The following CDH18 variants were observed in gnomAD, a reference collection of about 807,000 sequenced individuals.
CDH18 encodes cadherin-18.
A neutral mutation model predicts 67.9 loss-of-function variants in CDH18; 31 were observed. The ratio of observed to expected loss-of-function variants is 0.46; its 90% CI spans 0.34 to 0.62. The LOEUF (loss-of-function observed/expected upper bound fraction) is 0.62, where lower values mean the gene tolerates loss of function less well. CDH18 is among the 20% of genes least tolerant of loss of function. The probability of loss-of-function intolerance (pLI) is 0.01; values close to 1 mark genes in which losing one functional copy is unlikely to be tolerated. For missense variants in CDH18, 890 were observed against 975.5 expected (o/e 0.91, Z 1.17); for synonymous variants, 362 against 347.2 (o/e 1.04, Z -0.48).
At chr5:20,533,934 A>G (rs1253368317) in intron 1 of CDH18, among the ~76,000 whole-genome samples, 1 of 152,048 alleles carries the variant, frequency 6.6e-6, no homozygotes, top group Non-Finnish European at 1.5e-5. Context: ...TTAAAATGTC[A>G]CAGATTTTTA....
chr5:20,030,939 T>C (rs111298734), intron 2 of CDH18, among the ~76,000 whole-genome samples: 85 of 152,266 alleles, frequency 5.6e-4, no homozygotes, highest in African/African-American at 1.9e-3. Flanking sequence ...GTGGGAATAA[T>C]TGACTATTTA....
At chr5:19,731,746 TAA>T (rs1767625962) in intron 4 of CDH18, among the ~76,000 whole-genome samples, 1 of 152,192 alleles carries the variant, frequency 6.6e-6, no homozygotes. Flanking sequence ...TTTCTTGAGA[TAA>T]GCTTCCATTT....
At chr5:20,445,962 G>T (rs567115557) in intron 1 of CDH18, among the ~76,000 whole-genome samples, 82 of 152,160 alleles carry the variant, frequency 5.4e-4, no homozygotes, top group East Asian at 3.5e-3. Flanking sequence ...GGGGCTTGGT[G>T]GGGGGAGTTG....
chr5:20,399,973 A>G (rs1745621947), intron 1 of CDH18, among the ~76,000 whole-genome samples: 1 of 152,192 alleles, frequency 6.6e-6, no homozygotes, highest in South Asian at 2.1e-4. Context: ...CTTACTTTAT[A>G]TATCATCAGA....
chr5:20,057,825 C>A (rs1742124588), intron 2 of CDH18, among the ~76,000 whole-genome samples: 1 of 152,042 alleles, frequency 6.6e-6, no homozygotes, highest in Non-Finnish European at 1.5e-5. Context: ...ATAAAGACTA[C>A]TTGGTGTGTA....
At chr5:20,437,723 A>G (rs752966694) in intron 1 of CDH18, among the ~76,000 whole-genome samples, 3 of 151,454 alleles carry the variant, frequency 2.0e-5, no homozygotes, top group Non-Finnish European at 4.4e-5. Flanking sequence ...TAACTTTCCT[A>G]ATTTCATTTT....
intron 5 of CDH18, among the ~76,000 whole-genome samples, chr5:19,683,763 C>T (rs1425972653): frequency 2.6e-5 from 4 of 152,130 alleles, no homozygotes; most frequent in Non-Finnish European, 4.4e-5. Flanking sequence ...TAAGAGCTTT[C>T]CAATACACAC....
intron 2 of CDH18, among the ~76,000 whole-genome samples, chr5:20,059,075 G>A (rs1240182970): frequency 1.3e-5 from 2 of 152,090 alleles, no homozygotes; most frequent in African/African-American, 2.4e-5. Context: ...TATGCGTCCA[G>A]GAATTTATCC....
intron 3 of CDH18, among the ~76,000 whole-genome samples, chr5:19,825,360 G>A (rs1246058313): frequency 2.0e-5 from 3 of 151,960 alleles, no homozygotes; most frequent in Admixed American, 2.0e-4. Flanking sequence ...ACAGCAGGAG[G>A]GGTAATTCTA....
chr5:19,993,089 G>C (rs1310556642), upstream of CDH18, among the ~76,000 whole-genome samples: 1 of 152,090 alleles, frequency 6.6e-6, no homozygotes, highest in Non-Finnish European at 1.5e-5. Flanking sequence ...TCCCTTAACA[G>C]AGCCAGTATA....
At chr5:19,923,392 A>G (rs1212681302) in intron 2 of CDH18, among the ~76,000 whole-genome samples, 6 of 152,222 alleles carry the variant, frequency 3.9e-5, no homozygotes, top group African/African-American at 1.4e-4. Flanking sequence ...GCATAAAAAT[A>G]AAAGTTGTTG....
intron 5 of CDH18, among the ~76,000 whole-genome samples, chr5:19,614,572 T>C (rs917733684): frequency 1.3e-5 from 2 of 152,104 alleles, no homozygotes. Context: ...TAAAGCTGTC[T>C]TTCCTAAGGA....
At chr5:19,539,458 T>C (rs1749903501) in intron 9 of CDH18, among the ~76,000 whole-genome samples, 1 of 152,216 alleles carries the variant, frequency 6.6e-6, no homozygotes, top group Admixed American at 6.5e-5. Flanking sequence ...ATTCATAAAC[T>C]ACATTCTACT....
chr5:20,057,169 G>A (rs764478445), intron 2 of CDH18, among the ~76,000 whole-genome samples: 8 of 151,998 alleles, frequency 5.3e-5, no homozygotes, highest in Non-Finnish European at 5.9e-5. Flanking sequence ...GGCAATAAAC[G>A]CAACATAAAT....
At chr5:19,679,345 T>A (rs995016363) in intron 5 of CDH18, among the ~76,000 whole-genome samples, 4 of 151,954 alleles carry the variant, frequency 2.6e-5, no homozygotes, top group African/African-American at 7.2e-5. Flanking sequence ...ACAGCCAACA[T>A]CATATGGAAT....
chr5:20,522,212 TTTGATC>T (rs149338033), intron 1 of CDH18, among the ~76,000 whole-genome samples: 59,831 of 151,294 alleles, frequency 0.4, 13,169 homozygotes, highest in East Asian at 0.56. Flanking sequence ...CTGCTGACAC[TTTGATC>T]TTGAACTCCT....
intron 5 of CDH18, among the ~76,000 whole-genome samples, chr5:19,616,196 A>G (rs183990614): frequency 6.8e-4 from 103 of 152,292 alleles, no homozygotes; most frequent in African/African-American, 2.3e-3. Flanking sequence ...TTCACAGCCT[A>G]CGTTCCATTC....
intron 2 of CDH18, among the ~76,000 whole-genome samples, chr5:19,912,931 C>T (rs921003300): frequency 2.6e-5 from 4 of 152,070 alleles, no homozygotes; most frequent in South Asian, 2.1e-4. Flanking sequence ...GTCTTGAATG[C>T]CAGCCAGAGG....
intron 10 of CDH18, among the ~76,000 whole-genome samples, chr5:19,513,743 A>G (rs1230229942): frequency 1.3e-5 from 2 of 152,108 alleles, no homozygotes; most frequent in African/African-American, 4.8e-5. Flanking sequence ...AAATTTTTAT[A>G]TGGACTTATT....
Sources: gnomAD v4.1 joint callset for allele counts (sites outside exome capture counted in the v4.1 genomes callset) on GRCh38, gnomAD v4.1.1 for gene constraint, MANE v1.5 for transcripts, NCBI Gene and HGNC (gene_info 2026-07-23, HGNC 2026-07-21) for gene names.